NACC2: variants seen among roughly 807,000 people sequenced by gnomAD.
NACC2 encodes the protein nucleus accumbens-associated protein 2.
A neutral mutation model predicts 25.1 loss-of-function variants in NACC2; 8 were observed. The observed-to-expected ratio is 0.32, with a 90% CI of 0.19 to 0.57. The LOEUF (loss-of-function observed/expected upper bound fraction) is 0.57, where lower values mean the gene tolerates loss of function less well. Among genes scored for constraint, NACC2 ranks in the 20% least tolerant of loss-of-function variants. The pLI is 0.89. For synonymous variants in NACC2, 435 were observed against 294.7 expected (o/e 1.48, Z -4.88); for missense variants, 644 against 650.2 (o/e 0.99, Z 0.10).
chr9:136,037,729 G>A (rs1017516508), intron 2 of NACC2, among the ~76,000 whole-genome samples: 113 of 152,052 alleles, frequency 7.4e-4, no homozygotes, highest in African/African-American at 2.5e-3. Context: ...GGCTGGTCTC[G>A]ATCTCCTGAC....
chr9:136,080,524 G>A (rs577389471), intron 1 of NACC2, among the ~76,000 whole-genome samples: 67 of 152,064 alleles, frequency 4.4e-4, no homozygotes, highest in Non-Finnish European at 6.9e-4. Flanking sequence ...TGCTGAGATC[G>A]TGCCACTGCA....
chr9:136,023,500 G>A (rs992676497), intron 2 of NACC2, among the ~76,000 whole-genome samples: 3 of 152,106 alleles, frequency 2.0e-5, no homozygotes, highest in African/African-American at 7.2e-5. Flanking sequence ...CTTCCTCCAG[G>A]CCTGGCAGGT....
At chr9:136,050,833 C>T (rs1016926511) in intron 1 of NACC2, among the ~76,000 whole-genome samples, 2 of 152,124 alleles carry the variant, frequency 1.3e-5, no homozygotes, top group Non-Finnish European at 2.9e-5. Context: ...CAGGAGTGCG[C>T]CCACGCCACT....
At chr9:136,093,938 G>A (rs1396197190) in intron 1 of NACC2, among the ~76,000 whole-genome samples, 1 of 152,214 alleles carries the variant, frequency 6.6e-6, no homozygotes, top group Non-Finnish European at 1.5e-5. Context: ...AGAACAGGAG[G>A]GAAGGAGGTC....
chr9:136,042,839 CA>C (rs1840660993), intron 2 of NACC2, among the ~76,000 whole-genome samples: 1 of 148,718 alleles, frequency 6.7e-6, no homozygotes, highest in Non-Finnish European at 1.5e-5. Flanking sequence ...CACACACAGA[CA>C]CATACAGACA....
At chr9:136,069,106 C>T (rs1841121146) in intron 1 of NACC2, among the ~76,000 whole-genome samples, 1 of 150,142 alleles carries the variant, frequency 6.7e-6, no homozygotes, top group Non-Finnish European at 1.5e-5. Flanking sequence ...CGGGGTTTCA[C>T]CAAGTTGGCC....
chr9:136,056,212 A>G (rs1239186221), intron 1 of NACC2, among the ~76,000 whole-genome samples: 4 of 152,136 alleles, frequency 2.6e-5, no homozygotes, highest in Non-Finnish European at 5.9e-5. Context: ...TCAGGTTTGC[A>G]TTAAACTTTT....
At chr9:136,031,230 G>A (rs1052790083) in intron 2 of NACC2, among the ~76,000 whole-genome samples, 2 of 152,180 alleles carry the variant, frequency 1.3e-5, no homozygotes, top group African/African-American at 2.4e-5. Flanking sequence ...ATTTAATGAG[G>A]CCAGATAATC....
chr9:136,030,443 A>C (rs1840456889), intron 2 of NACC2, among the ~76,000 whole-genome samples: 1 of 151,864 alleles, frequency 6.6e-6, no homozygotes, highest in Non-Finnish European at 1.5e-5. Context: ...CCCCATCTCT[A>C]CTAAAAATAC....
chr9:136,048,947 C>T (rs1396830532), intron 2 of NACC2, among the ~76,000 whole-genome samples: 1 of 152,246 alleles, frequency 6.6e-6, no homozygotes, highest in East Asian at 1.9e-4. Flanking sequence ...TGCATGCAGA[C>T]CAGCCAGGTG....
At chr9:136,071,776 A>C (rs893230989) in intron 1 of NACC2, among the ~76,000 whole-genome samples, 1 of 152,130 alleles carries the variant, frequency 6.6e-6, no homozygotes, top group African/African-American at 2.4e-5. Context: ...AACAGAATTT[A>C]AAAAACCCAA....
rs752312569 is a variant in NACC2 at position 136,020,559 on chromosome 9, C to G, written c.887-4130G>C. Among the ~76,000 whole-genome samples the G allele has an allele frequency of 6.6e-6, 1 of 152,206 alleles. No homozygotes were observed. The highest frequency in any genetic ancestry group is 1.5e-5 in the Non-Finnish European group (1 of 68,046). ...AGCCTCGGCGGGGGTAGGAGGGAGA[C>G]GGGGAGGCCTACTCCCTAAAAGTGT... On this transcript the variant is annotated intron_variant, in intron 2 of 5. Transcript: ENST00000277554. The surrounding 1 kb of genome is among the most constrained non-coding windows in gnomAD (Gnocchi z 4.7).
At chr9:136,090,046 G>T (rs1159643178) in intron 1 of NACC2, among the ~76,000 whole-genome samples, 1 of 151,700 alleles carries the variant, frequency 6.6e-6, no homozygotes, top group Non-Finnish European at 1.5e-5. Context: ...TTTAACAAAG[G>T]CGCTTAGCTG....
chr9:136,061,087 G>C (rs1000977746), intron 1 of NACC2, among the ~76,000 whole-genome samples: 24 of 152,184 alleles, frequency 1.6e-4, no homozygotes, highest in Non-Finnish European at 3.1e-4. Context: ...GCTAGGGGAG[G>C]AGGAACAATG....
chr9:136,072,546 A>AAAAAG (rs976567244), intron 1 of NACC2, among the ~76,000 whole-genome samples: 1 of 152,146 alleles, frequency 6.6e-6, no homozygotes. Flanking sequence ...CTCTGTCTCA[A>AAAAAG]AAAAGAAAAG....
intron 1 of NACC2, among the ~76,000 whole-genome samples, chr9:136,081,461 C>T (rs981965049): frequency 5.9e-5 from 9 of 152,234 alleles, no homozygotes; most frequent in African/African-American, 1.9e-4. Context: ...TCTCTGAGCG[C>T]GGGGTGCCCA....
intron 2 of NACC2, among the ~76,000 whole-genome samples, chr9:136,049,080 A>C (rs4842090): frequency 0.47 from 70,990 of 152,122 alleles, 16,653 homozygotes; most frequent in Non-Finnish European, 0.48. Flanking sequence ...AATTAGGGCA[A>C]CCTGGGTTTG....
At position 136,007,616 on chromosome 9, in the gene NACC2, A is replaced by T. The variant is rs11103270; in HGVS notation, c.*3900T>A. On this transcript the variant is annotated 3_prime_UTR_variant, in exon 6 of 6. Coordinates refer to ENST00000277554, the MANE Select transcript of NACC2 (RefSeq NM_144653.5). ...GGAGCTGGCTGGCTGACATGACAAA[A>T]GTATGCAGCAGCAACATTCTGAAAC... is the stretch of plus-strand genomic sequence containing the variant. 0.96 allele frequency: 146,255 copies of T among 152,294 alleles called. 70,257 individuals are homozygous for T. The highest frequency in any genetic ancestry group is 0.98 in the East Asian group (5,071 of 5,178). The allele number at this position is 152,294 out of a possible 1,614,324, so 9.4% of individuals were successfully genotyped here.
In NACC2 at chr9:136,013,170, A is replaced by AGAGACC; in HGVS notation, c.1255+28_1255+29insGGTCTC. 7 of 391,740 alleles carry AGAGACC rather than the reference A, an allele frequency of 1.8e-5. No homozygotes were observed. The highest frequency in any genetic ancestry group is 6.4e-5 in the South Asian group (3 of 46,808). 24.3% of individuals were successfully genotyped at this position (391,740 alleles called of 1,614,324 possible). A position where few individuals can be genotyped will look rare whatever the true frequency, so the allele number is the denominator to read the frequency against. On this transcript the variant is annotated intron_variant, in intron 5 of 5. Coordinates refer to ENST00000277554, the MANE Select transcript of NACC2 (RefSeq NM_144653.5). The surrounding 1 kb of genome is among the most constrained non-coding windows in gnomAD (Gnocchi z 6.6). ...GGGATCTGAACCCAGCCCCGGCCCC[A>AGAGACC]CCCACCCGAGAGACCCCCAGGCTCT...
Sources: gnomAD v4.1 joint callset for allele counts (sites outside exome capture counted in the v4.1 genomes callset) on GRCh38, gnomAD v4.1.1 for gene constraint, Gnocchi (gnomAD v3.1) non-coding constraint, MANE v1.5 for transcripts, NCBI Gene and HGNC (gene_info 2026-07-23, HGNC 2026-07-21) for gene names.